PREP: variants seen among roughly 807,000 people sequenced by gnomAD.
PREP encodes dJ355L5.1 (prolyl endopeptidase).
In PREP, 29 loss-of-function variants were observed where a neutral mutation model predicts 87.6. The ratio of observed to expected loss-of-function variants is 0.33; its 90% CI spans 0.25 to 0.45. The LOEUF is 0.45. Ranked by LOEUF, PREP falls within the 20% of genes least tolerant of loss-of-function variation. PREP has a pLI of 1.00. For missense variants in PREP, 695 were observed against 886.5 expected (o/e 0.78, Z 2.74); for synonymous variants, 337 against 328.6 (o/e 1.03, Z -0.28).
At chr6:105,384,213 T>C (rs1256989968) in intron 2 of PREP, among the ~76,000 whole-genome samples, 1 of 152,070 alleles carries the variant, frequency 6.6e-6, no homozygotes, top group African/African-American at 2.4e-5. Context: ...CTGCGGCTCA[T>C]CTCAGGGCTT....
chr6:105,299,318 G>T (rs1453158597), intron 10 of PREP, among the ~76,000 whole-genome samples: 1 of 152,180 alleles, frequency 6.6e-6, no homozygotes. Flanking sequence ...CCTGCCAAGG[G>T]TTGGGTACAG....
intron 9 of PREP, among the ~76,000 whole-genome samples, chr6:105,326,111 GT>G (rs1236432298): frequency 6.6e-6 from 1 of 152,146 alleles, no homozygotes; most frequent in Non-Finnish European, 1.5e-5. Context: ...TTTAGGTTGG[GT>G]TTTAACATTA....
intron 7 of PREP, among the ~76,000 whole-genome samples, chr6:105,349,133 G>C (rs914796813): frequency 6.6e-6 from 1 of 152,168 alleles, no homozygotes; most frequent in African/African-American, 2.4e-5. Flanking sequence ...GAAATTACCT[G>C]TTCAGAAAAG....
chr6:105,385,043 G>C (rs1282415747), intron 2 of PREP, among the ~76,000 whole-genome samples: 4 of 152,084 alleles, frequency 2.6e-5, no homozygotes, highest in Non-Finnish European at 4.4e-5. Context: ...GGAAGCCTCT[G>C]GTTTTCTGAA....
intron 10 of PREP, among the ~76,000 whole-genome samples, chr6:105,289,766 C>T (rs568358752): frequency 2.1e-4 from 32 of 152,132 alleles, no homozygotes; most frequent in Non-Finnish European, 4.0e-4. Context: ...GGTGTTTTTA[C>T]CCCCAAACAA....
At chr6:105,363,624 T>A (rs1436416857) in intron 6 of PREP, among the ~76,000 whole-genome samples, 1 of 152,164 alleles carries the variant, frequency 6.6e-6, no homozygotes, top group African/African-American at 2.4e-5. Flanking sequence ...CCGAGGTCCC[T>A]GGCTGAAAGT....
At chr6:105,373,620 C>T in intron 4 of PREP, 42 bp from the exon 5 acceptor site, 2 of 1,561,014 alleles carry the variant, frequency 1.3e-6, no homozygotes, top group Non-Finnish European at 1.8e-6. Flanking sequence ...AAACACGGAA[C>T]ACAACTCCAC....
intron 10 of PREP, among the ~76,000 whole-genome samples, chr6:105,292,038 TC>T (rs1382250129): frequency 6.6e-6 from 1 of 152,200 alleles, no homozygotes; most frequent in Non-Finnish European, 1.5e-5. Flanking sequence ...TCTTGCTATT[TC>T]CCCAACATAT....
At chr6:105,374,993 C>T (rs1225466376) in intron 4 of PREP, among the ~76,000 whole-genome samples, 1 of 151,986 alleles carries the variant, frequency 6.6e-6, no homozygotes. Context: ...CTTGTGGAAA[C>T]TAAATGAATT....
intron 6 of PREP, among the ~76,000 whole-genome samples, chr6:105,355,840 A>G (rs970707086): frequency 2.0e-5 from 3 of 152,112 alleles, no homozygotes; most frequent in African/African-American, 7.2e-5. Flanking sequence ...TTTCTTTTAT[A>G]GCATCTAAAC....
At chr6:105,287,731 T>C (rs1770216474) in intron 11 of PREP, among the ~76,000 whole-genome samples, 1 of 152,226 alleles carries the variant, frequency 6.6e-6, no homozygotes, top group African/African-American at 2.4e-5. Context: ...AATCTGTGAA[T>C]CAGATTTCAT....
chr6:105,346,000 T>C (rs1389882624), intron 7 of PREP, among the ~76,000 whole-genome samples: 1 of 152,144 alleles, frequency 6.6e-6, no homozygotes, highest in East Asian at 1.9e-4. Context: ...ATTTTATCAC[T>C]AGTATTTTGT....
intron 7 of PREP, among the ~76,000 whole-genome samples, chr6:105,341,852 C>T (rs565658379): frequency 1.6e-4 from 25 of 152,164 alleles, no homozygotes; most frequent in Non-Finnish European, 3.4e-4. Flanking sequence ...GAAGTTGCAT[C>T]CCTGAATAGA....
chr6:105,317,688 C>A (rs1770912243), intron 10 of PREP, among the ~76,000 whole-genome samples: 1 of 152,104 alleles, frequency 6.6e-6, no homozygotes, highest in African/African-American at 2.4e-5. Flanking sequence ...TGAAGGAGGG[C>A]AGTTGGGAGT....
intron 6 of PREP, among the ~76,000 whole-genome samples, chr6:105,359,704 T>C (rs1456676608): frequency 6.6e-6 from 1 of 152,098 alleles, no homozygotes; most frequent in Non-Finnish European, 1.5e-5. Flanking sequence ...AGATGGCACC[T>C]CTCCCAAGGT....
At chr6:105,292,300 A>G (rs184823377) in intron 10 of PREP, among the ~76,000 whole-genome samples, 243 of 152,350 alleles carry the variant, frequency 1.6e-3, no homozygotes, top group Non-Finnish European at 1.9e-3. Flanking sequence ...AAGACTTGAA[A>G]GCCAGAATTA....
intron 10 of PREP, among the ~76,000 whole-genome samples, chr6:105,300,814 T>C (rs2114626220): frequency 6.6e-6 from 1 of 152,152 alleles, no homozygotes; most frequent in East Asian, 1.9e-4. Context: ...TGCCTTAACA[T>C]GTAAATCTGA....
chr6:105,312,435 C>G (rs575931460), intron 10 of PREP, among the ~76,000 whole-genome samples: 10 of 152,152 alleles, frequency 6.6e-5, no homozygotes, highest in Non-Finnish European at 8.8e-5. Context: ...AGACATGAAC[C>G]AACATAAATG....
At chr6:105,376,000 G>A (rs900161605) in intron 4 of PREP, 125 bp downstream of exon 4, 20 of 1,126,044 alleles carry the variant, frequency 1.8e-5, no homozygotes, top group Non-Finnish European at 2.4e-5. Flanking sequence ...GATATTGTAT[G>A]TGCATCTGTT....
Sources: allele counts gnomAD v4.1 joint callset (sites outside exome capture counted in the v4.1 genomes callset), GRCh38; gene constraint gnomAD v4.1.1; transcripts MANE v1.5; gene names NCBI Gene and HGNC (gene_info 2026-07-23, HGNC 2026-07-21).